RNF215: variants seen among roughly 807,000 people sequenced by gnomAD.
RNF215 encodes the protein ring finger protein 215.
In RNF215, 41 loss-of-function variants were observed where a neutral mutation model predicts 44.8. That is an observed-to-expected ratio of 0.92 (90% CI 0.71 to 1.19). The LOEUF (loss-of-function observed/expected upper bound fraction) is 1.19. Ranked by LOEUF, RNF215 falls within the 50% of genes most tolerant of loss-of-function variation. The probability of loss-of-function intolerance (pLI) is 0.00; values close to 1 mark genes in which losing one functional copy is unlikely to be tolerated. For missense variants in RNF215, 452 were observed against 496.2 expected (o/e 0.91, Z 0.85); for synonymous variants, 218 against 230.1 (o/e 0.95, Z 0.48).
At chr22:30,384,581 G>A in intron 4 of RNF215, 86 bp from the exon 5 acceptor site, 1 of 1,241,866 alleles carries the variant, frequency 8.1e-7, no homozygotes, top group Non-Finnish European at 1.1e-6. Context: ...GCAGGAAAAG[G>A]ATACCTACGA....
In RNF215 at chr22:30,380,109, C is replaced by G. The variant is rs1296414382; in HGVS notation, c.961G>C (p.Gly321Arg). 2 of 1,613,924 alleles carry G rather than the reference C, an allele frequency of 1.2e-6. No individual in the cohort carries two copies. The change falls in exon 7 of 9, where the codon GGT (glycine) becomes CGT (arginine). Residue 321 changes from glycine (G) to arginine (R), a missense_variant. By Grantham distance (125) the Gly-to-Arg change is moderately radical. Coordinates refer to ENST00000382363, the MANE Select transcript of RNF215 (RefSeq NM_001017981.2). This position sits in a 1 kb window ranked among gnomAD's most constrained non-coding sequence, Gnocchi z 5.3. ...SRAAQGLPDP[G>R]AETCAVCLDY... ...AGGCACACCGCACAGGTCTCAGCAC[C>G]CGGATCTGGGAGGCCCTGCGCTGCC...
chr22:30,387,201 C>T lies in RNF215; in HGVS notation c.113G>A (p.Gly38Glu). The T allele has an allele frequency of 9.8e-7, 1 of 1,021,870 alleles. No individual in the cohort carries two copies. The highest frequency in any genetic ancestry group is 1.2e-6 in the Non-Finnish European group (1 of 850,486). 63.3% of individuals were successfully genotyped at this position (1,021,870 alleles called of 1,614,324 possible). The change falls in exon 1 of 9, where the codon GGG becomes GAG. Residue 38 changes from glycine (G) to glutamate (E), a missense_variant. Physicochemically the swap from Gly to Glu is moderately conservative, Grantham distance 98. Coordinates refer to ENST00000382363, the MANE Select transcript of RNF215 (RefSeq NM_001017981.2). ...GCTGCCGTCCGCCGCGGCCCCGGGC[C>T]CCGCCAGGCCCAGCCACAGCGGCAG... The part of the protein sequence containing the change: ...PLLPLWLGLA[G>E]PGAAADGSEP...
At chr22:30,383,301 C>T (rs1290482671) in intron 5 of RNF215, among the ~76,000 whole-genome samples, 1 of 152,184 alleles carries the variant, frequency 6.6e-6, no homozygotes, top group Non-Finnish European at 1.5e-5. Context: ...CAGGTCTGCC[C>T]TCTTGAGCAG....
In RNF215 at chr22:30,387,130, C is replaced by A. The variant is rs1309305538; in HGVS notation, c.184G>T (p.Val62Leu). Residue 62 changes from valine to leucine, a missense_variant, in exon 1 of 9, where the codon GTG becomes TTG. Transcript: ENST00000382363. ...TCCTGGCGCGGCAGTCTCACGTCCA[C>A]CCGCACGGCGCGGGCTCCGCCCCGC... ...AGRGGARAVR[V>L]DVRLPRQDAL... 2 of 1,484,172 alleles carry A rather than the reference C, an allele frequency of 1.3e-6. No individual in the cohort carries two copies. Among genetic ancestry groups the A allele is most frequent in the Non-Finnish European group, 1.8e-6 (2 of 1,119,164 alleles). The allele number at this position is 1,484,172 out of a possible 1,614,324, so 91.9% of individuals were successfully genotyped here. A position where few individuals can be genotyped will look rare whatever the true frequency, so the allele number is the denominator to read the frequency against.
intron 7 of RNF215, 81 bp downstream of exon 7, chr22:30,379,981 G>T: frequency 6.3e-7 from 1 of 1,586,390 alleles, no homozygotes; most frequent in Non-Finnish European, 8.6e-7. Context: ...AGGGCCTGGT[G>T]GTGGTGGTTC....
Position 30,387,406 on chromosome 22 carries a change from G to A in RNF215, c.-93C>T. The A allele has an allele frequency of 1.4e-6, 1 of 691,990 alleles. No individual in the cohort carries two copies. Among genetic ancestry groups the A allele is most frequent in the Non-Finnish European group, 1.8e-6 (1 of 555,128 alleles). 42.9% of individuals were successfully genotyped at this position (691,990 alleles called of 1,614,324 possible). A position where few individuals can be genotyped will look rare whatever the true frequency, so the allele number is the denominator to read the frequency against. The stretch of plus-strand genomic sequence containing the variant: ...GCGAGGCCGCTGCCGGACGGGGCGG[G>A]GCGCCGGGAGGGGCGGGGCCGCGGC... On this transcript the variant is annotated 5_prime_UTR_variant, in exon 1 of 9. Transcript: ENST00000382363.
chr22:30,385,379 G>A (rs757314196), intron 4 of RNF215, among the ~76,000 whole-genome samples: 28 of 145,566 alleles, frequency 1.9e-4, no homozygotes, highest in East Asian at 6.0e-4. Context: ...CCGAGATCGC[G>A]CCACTGCACT....
In RNF215 at chr22:30,386,145, C is replaced by G. The variant is rs1189527053; in HGVS notation, c.430-4G>C. On this transcript the variant is annotated splice_region_variant and splice_polypyrimidine_tract_variant and intron_variant, in intron 2 of 8. Coordinates refer to ENST00000382363, the MANE Select transcript of RNF215 (RefSeq NM_001017981.2). ...CCAGGAAGAGGGCCCGCCGCATCTG[C>G]AGAGGGATAGAAGGCGAGAGGCTAG... 1 of 1,592,532 alleles carries G rather than the reference C, an allele frequency of 6.3e-7. No homozygotes were observed. The highest frequency in any genetic ancestry group is 8.5e-7 in the Non-Finnish European group (1 of 1,169,924).
chr22:30,384,245 G>T, intron 5 of RNF215, 94 bp downstream of exon 5: 1 of 1,340,028 alleles, frequency 7.5e-7, no homozygotes, highest in Non-Finnish European at 1.0e-6. Context: ...TGTCACTAAG[G>T]TGGGGAGAAG....
At position 30,384,440 on chromosome 22, in the gene RNF215, C is replaced by T. The variant is rs372151132; in HGVS notation, c.643G>A (p.Glu215Lys). 5.0e-6 allele frequency: 8 copies of T among 1,614,048 alleles called. No individual in the cohort carries two copies. The highest frequency in any genetic ancestry group is 3.3e-5 in the South Asian group (3 of 91,080). ...TSGESLSANI[E>K]WKLTLWTTCG... is the part of the protein sequence containing the mutation. ...GTGGTCCACAAGGTCAACTTCCACT[C>T]GATATTGGCAGACAGGGACTCTCCG... The change falls in exon 5 of 9, where the codon GAG becomes AAG. Residue 215 changes from glutamate (E) to lysine (K), a missense_variant. Coordinates refer to ENST00000382363, the MANE Select transcript of RNF215 (RefSeq NM_001017981.2).
intron 5 of RNF215, among the ~76,000 whole-genome samples, chr22:30,383,271 G>A (rs757088227): frequency 1.7e-4 from 26 of 152,090 alleles, no homozygotes; most frequent in Admixed American, 1.3e-4. Context: ...ACCCCAGCCT[G>A]CAGCCTGGCC....
At position 30,387,279 on chromosome 22, in the gene RNF215, G is replaced by A. The variant is rs1316623537; in HGVS notation, c.35C>T (p.Pro12Leu). The part of the protein sequence containing the change: ...GPAARPALRS[P>L]PPPPPPPPSP... ...CGGAGGCGGCGGCGGAGGCGGCGGC[G>A]GCGATCTCAGCGCGGGGCGAGCGGC... is the stretch of plus-strand genomic sequence containing the variant. Residue 12 changes from proline to leucine, a missense_variant, in exon 1 of 9, where the codon CCG becomes CTG. Pro to Leu is a moderately conservative substitution (Grantham distance 98, BLOSUM62 -3). Coordinates refer to ENST00000382363, the MANE Select transcript of RNF215 (RefSeq NM_001017981.2). The A allele has an allele frequency of 2.8e-6, 3 of 1,066,174 alleles. No individual in the cohort carries two copies. Among genetic ancestry groups the A allele is most frequent in the South Asian group, 4.4e-5 (1 of 22,920 alleles). 66.0% of individuals were successfully genotyped at this position (1,066,174 alleles called of 1,614,324 possible).
chr22:30,383,219 T>G (rs1326343144), intron 5 of RNF215, among the ~76,000 whole-genome samples: 1 of 152,044 alleles, frequency 6.6e-6, no homozygotes, highest in African/African-American at 2.4e-5. Flanking sequence ...TCAGACACTT[T>G]AGTGGCCATG....
At chr22:30,381,905 C>A (rs977836025) in intron 5 of RNF215, among the ~76,000 whole-genome samples, 1 of 152,160 alleles carries the variant, frequency 6.6e-6, no homozygotes, top group Admixed American at 6.5e-5. Context: ...AGGCTGAGTG[C>A]CTTTATCATG....
rs1243772966 is a variant in RNF215, at chr22:30,387,257, AGGCGGCGGCGGAGGC to A, written c.42_56del (p.Pro16_Pro20del). ...GCAGCAGCAGCAGCAGCGGAGACGG[AGGCGGCGGCGGAGGC>A]GGCGGCGGCGATCTCAGCGCGGGGC... On this transcript the variant is annotated inframe_deletion, in exon 1 of 9. Transcript: ENST00000382363. The A allele has an allele frequency of 1.9e-6, 2 of 1,029,534 alleles. No individual in the cohort carries two copies. The highest frequency in any genetic ancestry group is 7.6e-5 in the East Asian group (1 of 13,228). 63.8% of individuals were successfully genotyped at this position (1,029,534 alleles called of 1,614,324 possible). A position where few individuals can be genotyped will look rare whatever the true frequency, so the allele number is the denominator to read the frequency against.
Position 30,380,050 on chromosome 22 carries a change from C to T in RNF215, c.1008+12G>A, listed in dbSNP as rs775139008. On this transcript the variant is annotated intron_variant, in intron 7 of 8. Transcript: ENST00000382363. The surrounding 1 kb of genome is among the most constrained non-coding windows in gnomAD (Gnocchi z 5.3). ...GGTGAGCTGATGGCTGGTCTCTACCCGGGGCACTAGCCTGTTTGTTGCAGA... is the reference window on the plus strand; with the variant it reads ...GGTGAGCTGATGGCTGGTCTCTACCTGGGGCACTAGCCTGTTTGTTGCAGA... 3.1e-6 allele frequency: 5 copies of T among 1,613,474 alleles called. No individual in the cohort carries two copies. Among genetic ancestry groups the T allele is most frequent in the South Asian group, 1.1e-5 (1 of 91,046 alleles).
chr22:30,384,373 A>C lies in RNF215; in HGVS notation c.710T>G (p.Leu237Trp). 6.2e-7 allele frequency: 1 copy of C among 1,614,004 alleles called. No individual in the cohort carries two copies. The highest frequency in any genetic ancestry group is 2.2e-5 in the East Asian group (1 of 44,886). The part of the protein sequence containing the change: ...SKDGYGGWQD[L>W]VCLGGSRAQE... ...GGCACGACTGCCTCCAAGGCAGACC[A>C]AGTCCTGCCATCCTCCATAGCCATC... The change falls in exon 5 of 9, where the codon TTG becomes TGG. Residue 237 changes from leucine to tryptophan, a missense_variant. Leu to Trp is a moderately conservative substitution (Grantham distance 61, BLOSUM62 -2). Transcript: ENST00000382363.
chr22:30,379,792 T>C lies in RNF215; in HGVS notation c.1030A>G (p.Lys344Glu). 6.4e-7 allele frequency: 1 copy of C among 1,570,826 alleles called. No individual in the cohort carries two copies. The highest frequency in any genetic ancestry group is 8.6e-7 in the Non-Finnish European group (1 of 1,159,352). The change falls in exon 8 of 9, where the codon AAG (lysine) becomes GAG (glutamate). Residue 344 changes from lysine to glutamate, a missense_variant. Transcript: ENST00000382363. Reference protein sequence around the residue: ...NKQWLRVLPCKHEFHRDCVDP... With the variant: ...NKQWLRVLPCEHEFHRDCVDP... ...ACACAGTCTCGGTGAAACTCGTGCT[T>C]ACAGGGCAGCACCCGGAGCCACTAC...
chr22:30,386,571 G>A (rs781202137), intron 2 of RNF215, 45 bp downstream of exon 2: 1 of 1,582,484 alleles, frequency 6.3e-7, no homozygotes, highest in South Asian at 1.2e-5. Flanking sequence ...CAGATGCCTT[G>A]GAATCCTTTC....
Sources: gnomAD v4.1 joint callset for allele counts (sites outside exome capture counted in the v4.1 genomes callset) on GRCh38, gnomAD v4.1.1 for gene constraint, Gnocchi (gnomAD v3.1) non-coding constraint, MANE v1.5 for transcripts, NCBI Gene and HGNC (gene_info 2026-07-23, HGNC 2026-07-21) for gene names.